Variants in DRC11 observed in about 807,000 individuals in gnomAD.
DRC11 encodes the protein IQ and AAA domain-containing protein 1.
chr2:236,383,495 T>C, the DRC11 span, among the ~76,000 whole-genome samples: 1 of 152,170 alleles, frequency 6.6e-6, no homozygotes, highest in Admixed American at 6.5e-5. Flanking sequence ...GGGTTTAATA[T>C]TCTCCTCTTG....
chr2:236,320,915 G>A, the DRC11 span, among the ~76,000 whole-genome samples: 1 of 149,632 alleles, frequency 6.7e-6, no homozygotes, highest in Non-Finnish European at 1.5e-5. Context: ...AGATAAAAGT[G>A]GGAGTTCTAG....
chr2:236,500,544 C>T, the DRC11 span, among the ~76,000 whole-genome samples: 1 of 152,160 alleles, frequency 6.6e-6, no homozygotes, highest in African/African-American at 2.4e-5. The surrounding 1 kb of genome is among the most constrained non-coding windows in gnomAD (Gnocchi z 6.3). Flanking sequence ...CCAGATTTCT[C>T]AAAACTTAGC....
chr2:236,325,125 T>C, the DRC11 span, among the ~76,000 whole-genome samples: 1 of 152,190 alleles, frequency 6.6e-6, no homozygotes, highest in Non-Finnish European at 1.5e-5. This position sits in a 1 kb window ranked among gnomAD's most constrained non-coding sequence, Gnocchi z 4.4. Flanking sequence ...TCATGGTTCA[T>C]ATGTGGCCAT....
chr2:236,352,569 C>T, the DRC11 span, among the ~76,000 whole-genome samples: 6 of 152,280 alleles, frequency 3.9e-5, no homozygotes, highest in East Asian at 9.6e-4. This position sits in a 1 kb window ranked among gnomAD's most constrained non-coding sequence, Gnocchi z 7.0. Context: ...TGTGGAAAAG[C>T]AGTGTTCTTT....
chr2:236,394,367 T>A, the DRC11 span, among the ~76,000 whole-genome samples: 1 of 152,112 alleles, frequency 6.6e-6, no homozygotes, highest in Admixed American at 6.5e-5. The surrounding 1 kb of genome is among the most constrained non-coding windows in gnomAD (Gnocchi z 7.0). Context: ...GCGCAGTGGC[T>A]CATGCCTGTA....
chr2:236,395,734 C>CATA, the DRC11 span, among the ~76,000 whole-genome samples: 1 of 152,192 alleles, frequency 6.6e-6, no homozygotes, highest in African/African-American at 2.4e-5. Flanking sequence ...TTAAATGTGT[C>CATA]ATAATGTGCT....
chr2:236,467,951 G>C, the DRC11 span, among the ~76,000 whole-genome samples: 1 of 152,108 alleles, frequency 6.6e-6, no homozygotes, highest in Non-Finnish European at 1.5e-5. Flanking sequence ...TCACAATGAA[G>C]ATGTCATTAA....
the DRC11 span, among the ~76,000 whole-genome samples, chr2:236,492,312 A>G: frequency 6.6e-6 from 1 of 152,196 alleles, no homozygotes; most frequent in African/African-American, 2.4e-5. Context: ...GAGAAGAACA[A>G]GCCCTCTATC....
the DRC11 span, chr2:236,407,998 C>T: frequency 1.3e-4 from 73 of 551,924 alleles, no homozygotes; most frequent in Non-Finnish European, 2.2e-4. Flanking sequence ...CTCCAGAGCC[C>T]GCTGTTTGGT....
At chr2:236,364,061 C>G in the DRC11 span, 1 of 1,222,222 alleles carries the variant, frequency 8.2e-7, no homozygotes, top group Non-Finnish European at 1.2e-6. Flanking sequence ...AAGGTCAAAA[C>G]TGCATCGTGT....
At chr2:236,426,739 G>C in the DRC11 span, among the ~76,000 whole-genome samples, 1 of 152,080 alleles carries the variant, frequency 6.6e-6, no homozygotes, top group Non-Finnish European at 1.5e-5. The surrounding 1 kb of genome is among the most constrained non-coding windows in gnomAD (Gnocchi z 4.1). Flanking sequence ...ATCAAAGACA[G>C]GAAATTTCAC....
the DRC11 span, among the ~76,000 whole-genome samples, chr2:236,506,079 C>T: frequency 6.6e-6 from 1 of 152,200 alleles, no homozygotes; most frequent in Non-Finnish European, 1.5e-5. This position sits in a 1 kb window ranked among gnomAD's most constrained non-coding sequence, Gnocchi z 4.9. Context: ...AGTCAGTTCT[C>T]AGTTCTACCC....
At chr2:236,410,761 T>A in the DRC11 span, among the ~76,000 whole-genome samples, 2 of 150,248 alleles carry the variant, frequency 1.3e-5, no homozygotes, top group African/African-American at 5.0e-5. Context: ...AACTATCTGA[T>A]CTTTGACAAA....
the DRC11 span, among the ~76,000 whole-genome samples, chr2:236,429,414 A>G: frequency 3.0e-4 from 46 of 152,176 alleles, no homozygotes; most frequent in Admixed American, 2.9e-3. This position sits in a 1 kb window ranked among gnomAD's most constrained non-coding sequence, Gnocchi z 5.9. Flanking sequence ...ATGTAGCTAC[A>G]GGGACCAGCT....
the DRC11 span, among the ~76,000 whole-genome samples, chr2:236,397,929 C>T: frequency 6.6e-6 from 1 of 152,248 alleles, no homozygotes; most frequent in East Asian, 1.9e-4. The surrounding 1 kb of genome is among the most constrained non-coding windows in gnomAD (Gnocchi z 5.0). Flanking sequence ...CTGCACCTGA[C>T]ACCCTGGAAA....
chr2:236,319,775 A>T, the DRC11 span, among the ~76,000 whole-genome samples: 1 of 152,204 alleles, frequency 6.6e-6, no homozygotes, highest in Non-Finnish European at 1.5e-5. The surrounding 1 kb of genome is among the most constrained non-coding windows in gnomAD (Gnocchi z 6.7). Flanking sequence ...AAGAAAAGCT[A>T]AAGAATCAGA....
the DRC11 span, among the ~76,000 whole-genome samples, chr2:236,442,059 C>G: frequency 6.6e-6 from 1 of 152,054 alleles, no homozygotes; most frequent in Non-Finnish European, 1.5e-5. Flanking sequence ...CATGACTACA[C>G]CAGTGCACTC....
the DRC11 span, among the ~76,000 whole-genome samples, chr2:236,389,717 A>G: frequency 6.6e-6 from 1 of 152,004 alleles, no homozygotes; most frequent in Non-Finnish European, 1.5e-5. Flanking sequence ...GATATTTTCT[A>G]ATTTCCCTGC....
chr2:236,494,700 A>C, the DRC11 span, among the ~76,000 whole-genome samples: 16 of 152,118 alleles, frequency 1.1e-4, no homozygotes, highest in Admixed American at 5.9e-4. This position sits in a 1 kb window ranked among gnomAD's most constrained non-coding sequence, Gnocchi z 4.2. Context: ...CCTCCAGCCC[A>C]GAGAATTTTG....
Sources: allele counts gnomAD v4.1 joint callset (sites outside exome capture counted in the v4.1 genomes callset), GRCh38; gene constraint gnomAD v4.1.1; non-coding constraint Gnocchi (gnomAD v3.1); transcripts MANE v1.5; gene names NCBI Gene and HGNC (gene_info 2026-07-23, HGNC 2026-07-21).